The following STAC variants were observed in gnomAD, a reference collection of about 807,000 sequenced individuals.
The protein encoded by STAC is SH3 and cysteine-rich domain-containing protein.
In STAC, 43 loss-of-function variants were observed where a neutral mutation model predicts 48.8. The observed-to-expected ratio is 0.88, with a 90% CI of 0.69 to 1.14. The LOEUF (loss-of-function observed/expected upper bound fraction) is 1.14. Ranked by LOEUF, STAC falls within the 50% of genes most tolerant of loss-of-function variation. The pLI, the probability that STAC is intolerant of heterozygous loss-of-function variation, is 0.00. For synonymous variants in STAC, 193 were observed against 179.5 expected (o/e 1.07, Z -0.60); for missense variants, 497 against 504.0 (o/e 0.99, Z 0.13).
At chr3:36,386,855 A>AT (rs1209753478) in intron 1 of STAC, among the ~76,000 whole-genome samples, 1 of 152,048 alleles carries the variant, frequency 6.6e-6, no homozygotes, top group Admixed American at 6.6e-5. Flanking sequence ...GATTTGAGTT[A>AT]TTTTTGATTC....
chr3:36,514,585 C>T (rs762610703), intron 8 of STAC, among the ~76,000 whole-genome samples: 4 of 152,150 alleles, frequency 2.6e-5, no homozygotes, highest in Non-Finnish European at 4.4e-5. Flanking sequence ...ATTACTAACC[C>T]TCATATCCCT....
chr3:36,486,371 G>C, intron 5 of STAC, 122 bp downstream of exon 5: 1 of 775,036 alleles, frequency 1.3e-6, no homozygotes, highest in East Asian at 2.9e-5. Context: ...AGGGAGTCAG[G>C]CACCTGCCAA....
chr3:36,532,901 T>G (rs911928693), intron 10 of STAC, among the ~76,000 whole-genome samples: 12 of 152,154 alleles, frequency 7.9e-5, no homozygotes, highest in Non-Finnish European at 1.3e-4. Flanking sequence ...ACAGACACAC[T>G]GTATAAATAA....
intron 2 of STAC, among the ~76,000 whole-genome samples, chr3:36,461,065 T>C (rs1190812038): frequency 6.6e-6 from 1 of 152,224 alleles, no homozygotes; most frequent in African/African-American, 2.4e-5. Flanking sequence ...ATTATTAACA[T>C]CTTGGTGTGT....
chr3:36,486,089 C>A, intron 4 of STAC, 45 bp from the exon 5 acceptor site: 1 of 1,488,734 alleles, frequency 6.7e-7, no homozygotes, highest in Non-Finnish European at 9.3e-7. Flanking sequence ...TTGGCTGGGT[C>A]CTCTCAGATG....
chr3:36,380,849 G>T (rs529947299), intron 1 of STAC, 95 bp downstream of exon 1: 1 of 889,572 alleles, frequency 1.1e-6, no homozygotes. Flanking sequence ...CGGGCGTGGG[G>T]GTCTGAGACT....
chr3:36,546,052 GT>G lies in STAC; in HGVS notation c.1111-136del, dbSNP rs1180419314. ...ATCAAACCTTTTTCTCACTGTGCTGGTTTCCCACCCTAAAACTGCTCTCCCT... is the reference window on the plus strand; with the variant it reads ...ATCAAACCTTTTTCTCACTGTGCTGGTTCCCACCCTAAAACTGCTCTCCCT... On this transcript the variant is annotated intron_variant, in intron 10 of 10. Coordinates refer to ENST00000273183, the MANE Select transcript of STAC (RefSeq NM_003149.3). 45 of 654,790 alleles carry G rather than the reference GT, an allele frequency of 6.9e-5. No individual in the cohort carries two copies. In the East Asian group the frequency reaches 1.2e-3, roughly 17 times the overall value. The allele number at this position is 654,790 out of a possible 1,614,324, so 40.6% of individuals were successfully genotyped here.
At chr3:36,508,368 A>G (rs996824320) in intron 8 of STAC, among the ~76,000 whole-genome samples, 7 of 152,072 alleles carry the variant, frequency 4.6e-5, no homozygotes, top group African/African-American at 1.7e-4. Flanking sequence ...AATAAGAGTG[A>G]TGTGGTGCTG....
chr3:36,456,069 A>G (rs574089416), intron 2 of STAC, among the ~76,000 whole-genome samples: 31 of 151,142 alleles, frequency 2.1e-4, no homozygotes, highest in East Asian at 1.8e-3. Context: ...ACACGTGCGC[A>G]CACACACACA....
At chr3:36,544,291 T>C (rs942681993) in intron 10 of STAC, among the ~76,000 whole-genome samples, 1 of 152,026 alleles carries the variant, frequency 6.6e-6, no homozygotes, top group Non-Finnish European at 1.5e-5. Context: ...TGCCTCGGCC[T>C]CCTGAGTAGC....
chr3:36,483,459 T>C (rs79820074), intron 3 of STAC, among the ~76,000 whole-genome samples: 2,639 of 152,216 alleles, frequency 0.017, 22 homozygotes, highest in Non-Finnish European at 0.021. Context: ...GGTTGGTCAC[T>C]CTAGTGCTTC....
intron 3 of STAC, among the ~76,000 whole-genome samples, chr3:36,484,766 G>C (rs777067108): frequency 6.6e-5 from 10 of 152,166 alleles, no homozygotes; most frequent in Non-Finnish European, 1.2e-4. Flanking sequence ...TTGTTTTCTG[G>C]ATAGAGTGTA....
intron 2 of STAC, among the ~76,000 whole-genome samples, chr3:36,457,886 C>T (rs775841277): frequency 6.6e-6 from 1 of 152,204 alleles, no homozygotes; most frequent in Non-Finnish European, 1.5e-5. Flanking sequence ...GCCAACCTAA[C>T]TCTATTTGCT....
chr3:36,431,963 A>G (rs1331243241), intron 1 of STAC, among the ~76,000 whole-genome samples: 3 of 152,330 alleles, frequency 2.0e-5, no homozygotes, highest in Non-Finnish European at 4.4e-5. Context: ...CTAGCCAGGT[A>G]GCTACTCAAA....
intron 8 of STAC, among the ~76,000 whole-genome samples, chr3:36,520,805 T>G (rs1322749774): frequency 1.3e-5 from 2 of 152,160 alleles, no homozygotes; most frequent in Non-Finnish European, 2.9e-5. Context: ...CAAATGCCTC[T>G]CTCATTTAGG....
chr3:36,425,381 G>A (rs1418332317), intron 1 of STAC, among the ~76,000 whole-genome samples: 6 of 152,068 alleles, frequency 3.9e-5, no homozygotes, highest in African/African-American at 1.2e-4. Context: ...ATAACTGGCC[G>A]GTAGTCTTCA....
chr3:36,388,128 C>T (rs2361039), intron 1 of STAC, among the ~76,000 whole-genome samples: 25,618 of 151,984 alleles, frequency 0.17, 2,698 homozygotes, highest in Middle Eastern at 0.23. Context: ...TCAAGGCCTT[C>T]GTCCATTTTA....
chr3:36,471,814 T>C (rs945586393), intron 2 of STAC, among the ~76,000 whole-genome samples: 2 of 152,176 alleles, frequency 1.3e-5, no homozygotes, highest in African/African-American at 4.8e-5. Context: ...ACACCCTCCC[T>C]CCCAGCTGCT....
chr3:36,449,062 T>C (rs1696606579), intron 2 of STAC, among the ~76,000 whole-genome samples: 1 of 152,002 alleles, frequency 6.6e-6, no homozygotes, highest in South Asian at 2.1e-4. Context: ...GAGGCTACGA[T>C]GAGCTATGAT....
Sources: gnomAD v4.1 joint callset for allele counts (sites outside exome capture counted in the v4.1 genomes callset) on GRCh38, gnomAD v4.1.1 for gene constraint, MANE v1.5 for transcripts, NCBI Gene and HGNC (gene_info 2026-07-23, HGNC 2026-07-21) for gene names.